Variants in ATXN7 observed in about 807,000 individuals in gnomAD.
ATXN7 encodes ataxin 7.
In ATXN7, 12 loss-of-function variants were observed where a neutral mutation model predicts 70.5. The observed-to-expected ratio is 0.17, with a 90% confidence interval of 0.11 to 0.28. The LOEUF (loss-of-function observed/expected upper bound fraction) is 0.28. Ranked by LOEUF, ATXN7 falls within the 10% of genes least tolerant of loss-of-function variation. ATXN7 has a pLI of 1.00. For missense variants in ATXN7, 1,256 were observed against 1,131.7 expected, an observed-to-expected ratio of 1.11 and a Z score of -1.58; for synonymous variants, 498 against 448.7, an observed-to-expected ratio of 1.11 and a Z score of -1.39.
intron 5 of ATXN7, among the ~76,000 whole-genome samples, chr3:63,964,249 C>T (rs527581890): frequency 9.2e-5 from 14 of 152,012 alleles, no homozygotes; most frequent in Non-Finnish European, 1.5e-4. Flanking sequence ...GTTTCTCGGG[C>T]GTCTATGGGA....
intron 4 of ATXN7, among the ~76,000 whole-genome samples, chr3:63,921,220 C>A (rs1442270852): frequency 6.6e-6 from 1 of 152,138 alleles, no homozygotes; most frequent in Admixed American, 6.5e-5. Context: ...GGAAAAAGCA[C>A]TAGTTCATTA....
upstream of ATXN7, chr3:63,863,790 T>C: frequency 1.6e-6 from 2 of 1,249,768 alleles, no homozygotes; most frequent in Non-Finnish European, 2.0e-6. Flanking sequence ...ACGGCTCCCA[T>C]GGCGTGCGCG....
intron 5 of ATXN7, among the ~76,000 whole-genome samples, chr3:63,970,408 CA>C (rs200143005): frequency 2.7e-5 from 4 of 148,678 alleles, no homozygotes; most frequent in Non-Finnish European, 6.0e-5. Flanking sequence ...TTTTGAAAGA[CA>C]AAAAAAAAGG....
chr3:63,968,883 TTTAA>T (rs2075268570), intron 5 of ATXN7, among the ~76,000 whole-genome samples: 1 of 152,142 alleles, frequency 6.6e-6, no homozygotes, highest in Non-Finnish European at 1.5e-5. Flanking sequence ...ACCGGAAGGT[TTTAA>T]TTGAGGTTGA....
At chr3:63,917,245 A>G (rs1398530899) in intron 4 of ATXN7, among the ~76,000 whole-genome samples, 1 of 152,112 alleles carries the variant, frequency 6.6e-6, no homozygotes, top group Non-Finnish European at 1.5e-5. Context: ...ATTAAACGTC[A>G]ACCCTGGTTG....
At chr3:63,906,445 T>G (rs1178921262) in intron 2 of ATXN7, among the ~76,000 whole-genome samples, 1 of 152,236 alleles carries the variant, frequency 6.6e-6, no homozygotes, top group Admixed American at 6.5e-5. Flanking sequence ...ACAACTCGTC[T>G]TATGGTTTGT....
chr3:63,951,512 T>A (rs149393169), intron 4 of ATXN7, among the ~76,000 whole-genome samples: 153 of 152,354 alleles, frequency 1.0e-3, no homozygotes, highest in African/African-American at 3.5e-3. Context: ...AAAGAGTGAA[T>A]GTAGTGTAAA....
intron 5 of ATXN7, among the ~76,000 whole-genome samples, chr3:63,961,452 G>A (rs6801346): frequency 0.1 from 15,617 of 152,052 alleles, 966 homozygotes; most frequent in Admixed American, 0.15. Flanking sequence ...TTGATTCTCC[G>A]CATGGAACCT....
At position 63,881,023 on chromosome 3, in the gene ATXN7, G is replaced by T. The variant is rs377658173; in HGVS notation, c.-111+16865G>T. Among the ~76,000 whole-genome samples, 16 of 152,232 alleles carry T rather than the reference G, an allele frequency of 1.1e-4. No homozygotes were observed. In the East Asian group the frequency reaches 3.1e-3, roughly 29 times the overall value. On this transcript the variant is annotated intron_variant, in intron 1 of 12. Transcript: ENST00000674280. ...CTTTAGTGGTTTGCTTCTTGGAGTCGCAATTTGTTATCTGTAGAATGGGAA... is the reference window on the plus strand; with the variant it reads ...CTTTAGTGGTTTGCTTCTTGGAGTCTCAATTTGTTATCTGTAGAATGGGAA...
intron 9 of ATXN7, among the ~76,000 whole-genome samples, chr3:63,989,796 A>G (rs2075638766): frequency 6.6e-6 from 1 of 152,186 alleles, no homozygotes; most frequent in South Asian, 2.1e-4. Flanking sequence ...AGGGACAACT[A>G]TGTTTCATTT....
intron 4 of ATXN7, among the ~76,000 whole-genome samples, chr3:63,939,463 A>G (rs918375010): frequency 2.0e-5 from 3 of 152,184 alleles, no homozygotes; most frequent in Non-Finnish European, 2.9e-5. Flanking sequence ...GTTGAACATA[A>G]TAATAAACAA....
At position 63,913,237 on chromosome 3, in the gene ATXN7, C is replaced by T. The variant is rs773251779; in HGVS notation, c.394+12C>T. 2.5e-6 allele frequency: 4 copies of T among 1,612,782 alleles called. No homozygotes were observed. Among genetic ancestry groups the T allele is most frequent in the Admixed American group, 1.7e-5 (1 of 59,958 alleles). On this transcript the variant is annotated intron_variant, in intron 4 of 12. Transcript: ENST00000674280. The stretch of plus-strand genomic sequence containing the variant: ...GCTCTGTCGGGAAGGTGAGTCCAGC[C>T]CCCCTGATGGAGTTTGTACAAACCC...
intron 5 of ATXN7, among the ~76,000 whole-genome samples, chr3:63,958,929 A>C (rs2075078880): frequency 6.6e-6 from 1 of 152,198 alleles, no homozygotes; most frequent in African/African-American, 2.4e-5. Context: ...AGTAAAAAAA[A>C]TTCGGAGACA....
At chr3:63,946,399 G>T (rs1465958740) in intron 4 of ATXN7, among the ~76,000 whole-genome samples, 1 of 152,144 alleles carries the variant, frequency 6.6e-6, no homozygotes, top group East Asian at 1.9e-4. Flanking sequence ...CAGCACTTTG[G>T]GAGGCTGAGG....
At chr3:63,971,002 A>G (rs2075303972) in intron 5 of ATXN7, among the ~76,000 whole-genome samples, 1 of 152,198 alleles carries the variant, frequency 6.6e-6, no homozygotes, top group Admixed American at 6.5e-5. Context: ...TCTTTTCTGC[A>G]CTTTCCCGTT....
chr3:63,977,989 A>C (rs1434832505), intron 5 of ATXN7, among the ~76,000 whole-genome samples: 1 of 152,232 alleles, frequency 6.6e-6, no homozygotes, highest in Non-Finnish European at 1.5e-5. Flanking sequence ...GGTGAGCTTC[A>C]TTTGACAAAC....
At chr3:63,985,785 C>T (rs1397304138) in intron 8 of ATXN7, among the ~76,000 whole-genome samples, 1 of 152,202 alleles carries the variant, frequency 6.6e-6, no homozygotes, top group Non-Finnish European at 1.5e-5. Context: ...AGCCTTTGTC[C>T]ATTCACTCAT....
intron 10 of ATXN7, 95 bp downstream of exon 10, chr3:63,990,469 G>C: frequency 6.8e-7 from 1 of 1,459,974 alleles, no homozygotes; most frequent in Non-Finnish European, 9.4e-7. Flanking sequence ...ATGCCCGTAT[G>C]TGTGGGACGC....
chr3:63,920,283 A>G (rs1045305991), intron 4 of ATXN7, among the ~76,000 whole-genome samples: 4 of 152,090 alleles, frequency 2.6e-5, no homozygotes, highest in Non-Finnish European at 2.9e-5. Context: ...GTAAACTCTA[A>G]TCTCAGGAGG....
Sources: gnomAD v4.1 joint callset for allele counts (sites outside exome capture counted in the v4.1 genomes callset) on GRCh38, gnomAD v4.1.1 for gene constraint, MANE v1.5 for transcripts, NCBI Gene and HGNC (gene_info 2026-07-23, HGNC 2026-07-21) for gene names.